The following ANKRD33B variants were observed in gnomAD, a reference collection of about 807,000 sequenced individuals.
ANKRD33B encodes ankyrin repeat domain-containing protein 33B.
A neutral mutation model predicts 21.5 loss-of-function variants in ANKRD33B; 6 were observed. That is an observed-to-expected ratio of 0.28 (90% CI 0.15 to 0.55). The LOEUF is 0.55. ANKRD33B is among the 20% of genes least tolerant of loss of function. ANKRD33B has a pLI of 0.94. For synonymous variants in ANKRD33B, 347 were observed against 342.4 expected, an observed-to-expected ratio of 1.01 and a Z score of -0.15; for missense variants, 698 against 747.2, an observed-to-expected ratio of 0.93 and a Z score of 0.77.
chr5:10,624,349 T>G (rs1531840), intron 2 of ANKRD33B, among the ~76,000 whole-genome samples: 1 of 152,052 alleles, frequency 6.6e-6, no homozygotes, highest in African/African-American at 2.4e-5. Context: ...AGACTGGTTT[T>G]GAACTCCTGA....
chr5:10,573,479 A>C (rs35902704), intron 1 of ANKRD33B, among the ~76,000 whole-genome samples: 4 of 144,300 alleles, frequency 2.8e-5, no homozygotes, highest in African/African-American at 1.0e-4. Context: ...AAAAAAAAAA[A>C]AAAAAAACCT....
chr5:10,586,806 T>C (rs903005992), intron 1 of ANKRD33B, among the ~76,000 whole-genome samples: 14 of 152,074 alleles, frequency 9.2e-5, no homozygotes, highest in Non-Finnish European at 1.8e-4. Context: ...ACTGCAAATA[T>C]GGGCCTTTTC....
chr5:10,582,798 C>T (rs542102715), intron 1 of ANKRD33B, among the ~76,000 whole-genome samples: 13 of 152,326 alleles, frequency 8.5e-5, no homozygotes, highest in East Asian at 3.9e-4. Flanking sequence ...ATGGCTTCCC[C>T]GACTTTGGAC....
intron 2 of ANKRD33B, among the ~76,000 whole-genome samples, chr5:10,636,267 G>A (rs1239496719): frequency 1.3e-5 from 2 of 152,202 alleles, no homozygotes; most frequent in African/African-American, 4.8e-5. Flanking sequence ...ACATGCTTGA[G>A]TTGGAATGAA....
At chr5:10,605,847 C>T (rs928388856) in intron 1 of ANKRD33B, among the ~76,000 whole-genome samples, 6 of 152,168 alleles carry the variant, frequency 3.9e-5, no homozygotes, top group South Asian at 4.1e-4. Flanking sequence ...TTCTGTGTTC[C>T]GCTCTTCTAG....
chr5:10,568,273 T>A (rs1304261037), intron 1 of ANKRD33B, among the ~76,000 whole-genome samples: 1 of 152,246 alleles, frequency 6.6e-6, no homozygotes, highest in African/African-American at 2.4e-5. Context: ...GGATTTATGG[T>A]TGTTTTGTTC....
chr5:10,606,412 C>T (rs890158556), intron 1 of ANKRD33B, among the ~76,000 whole-genome samples: 22 of 152,086 alleles, frequency 1.4e-4, no homozygotes, highest in African/African-American at 5.3e-4. Context: ...TTAGGCATCT[C>T]TTTATTTGAA....
Position 10,638,018 on chromosome 5 carries a change from C to A in ANKRD33B, c.497-10C>A. 6.5e-7 allele frequency: 1 copy of A among 1,537,196 alleles called. No homozygotes were observed. The highest frequency in any genetic ancestry group is 1.2e-5 in the South Asian group (1 of 84,014). On this transcript the variant is annotated splice_polypyrimidine_tract_variant and intron_variant, in intron 2 of 3. Coordinates refer to ENST00000296657, the MANE Select transcript of ANKRD33B (RefSeq NM_001164440.2). ...TGGGAACCAATACACGTGTACACTT[C>A]TCTTTACAGGGCACGCTATCATCAC...
intron 3 of ANKRD33B, among the ~76,000 whole-genome samples, chr5:10,648,121 G>T (rs1237615877): frequency 6.6e-6 from 1 of 152,084 alleles, no homozygotes. Flanking sequence ...TTTGCAACAA[G>T]CCTTTTAAAA....
chr5:10,652,814 A>G lies in ANKRD33B; in HGVS notation c.*2701A>G. The G allele has an allele frequency of 3.4e-6, 1 of 296,930 alleles. No individual in the cohort carries two copies. 18.4% of individuals were successfully genotyped at this position (296,930 alleles called of 1,614,324 possible). A position where few individuals can be genotyped will look rare whatever the true frequency, so the allele number is the denominator to read the frequency against. On this transcript the variant is annotated 3_prime_UTR_variant, in exon 4 of 4. Transcript: ENST00000296657. This position sits in a 1 kb window ranked among gnomAD's most constrained non-coding sequence, Gnocchi z 4.1. ...TCTGGGGCCAGCACAGGGATTGTCC[A>G]GTGATGCTCCTGGTGTCCACAAAAC...
chr5:10,608,713 T>C (rs1487152803), intron 1 of ANKRD33B, among the ~76,000 whole-genome samples: 1 of 151,954 alleles, frequency 6.6e-6, no homozygotes, highest in African/African-American at 2.4e-5. Flanking sequence ...GGAATATCTT[T>C]AGGGTTTTTG....
chr5:10,631,670 A>G (rs1736713905), intron 2 of ANKRD33B, among the ~76,000 whole-genome samples: 1 of 152,224 alleles, frequency 6.6e-6, no homozygotes, highest in Non-Finnish European at 1.5e-5. Flanking sequence ...AGAAGCATTG[A>G]ATATCGATGA....
rs1366634681 is a variant in ANKRD33B at position 10,639,883 on chromosome 5, CGTGGAGTTGT to C, written c.637+1717_637+1726del. On this transcript the variant is annotated intron_variant, in intron 3 of 3. Coordinates refer to ENST00000296657, the MANE Select transcript of ANKRD33B (RefSeq NM_001164440.2). ...GTTGCGCGGCGATGTTAGGCGGTGACGTGGAGTTGTGCGGCGATGTTAGCGGGTGACGTGG... is the reference window on the plus strand; with the variant it reads ...GTTGCGCGGCGATGTTAGGCGGTGACGCGGCGATGTTAGCGGGTGACGTGG... Among the ~76,000 whole-genome samples, 4 of 24,732 alleles carry C rather than the reference CGTGGAGTTGT, an allele frequency of 1.6e-4. 2 individuals are homozygous for C. The highest frequency in any genetic ancestry group is 3.9e-4 in the Non-Finnish European group (4 of 10,160). The allele number at this position is 24,732 out of a possible 152,430, so 16.2% of individuals were successfully genotyped here.
intron 1 of ANKRD33B, among the ~76,000 whole-genome samples, chr5:10,582,132 C>T (rs1735456941): frequency 6.6e-6 from 1 of 152,210 alleles, no homozygotes; most frequent in African/African-American, 2.4e-5. Flanking sequence ...TTCCTTTTGC[C>T]TCCAGGGCCA....
At chr5:10,636,369 T>G (rs533007235) in intron 2 of ANKRD33B, among the ~76,000 whole-genome samples, 65 of 152,266 alleles carry the variant, frequency 4.3e-4, no homozygotes, top group African/African-American at 1.4e-3. Context: ...CCCAGCACTT[T>G]GGGAGGCTGA....
chr5:10,636,165 C>A (rs369132477), intron 2 of ANKRD33B, among the ~76,000 whole-genome samples: 12 of 123,892 alleles, frequency 9.7e-5, no homozygotes, highest in African/African-American at 2.5e-4. Context: ...TTCAGGTGTT[C>A]CTGGGGGGAG....
At chr5:10,637,986 G>A in intron 2 of ANKRD33B, 42 bp from the exon 3 acceptor site, 6 of 1,526,606 alleles carry the variant, frequency 3.9e-6, no homozygotes, top group Non-Finnish European at 5.3e-6. Flanking sequence ...AGCACATTTT[G>A]TGGAAGTGGG....
At chr5:10,622,794 C>CTTTTTTT (rs1436392852) in intron 2 of ANKRD33B, among the ~76,000 whole-genome samples, 5 of 78,600 alleles carry the variant, frequency 6.4e-5, no homozygotes, top group African/African-American at 7.3e-5. Flanking sequence ...TTTGTTTTTG[C>CTTTTTTT]TTTATTTTAT....
At chr5:10,599,632 A>G (rs1204997055) in intron 1 of ANKRD33B, among the ~76,000 whole-genome samples, 1 of 152,222 alleles carries the variant, frequency 6.6e-6, no homozygotes, top group Non-Finnish European at 1.5e-5. Context: ...TGATATGCTC[A>G]GTGTTCATCT....
Sources: gnomAD v4.1 joint callset for allele counts (sites outside exome capture counted in the v4.1 genomes callset) on GRCh38, gnomAD v4.1.1 for gene constraint, Gnocchi (gnomAD v3.1) non-coding constraint, MANE v1.5 for transcripts, NCBI Gene and HGNC (gene_info 2026-07-23, HGNC 2026-07-21) for gene names.